IL24: variants seen among roughly 807,000 people sequenced by gnomAD.
The protein encoded by IL24 is interleukin-24.
A neutral mutation model predicts 27.6 loss-of-function variants in IL24; 24 were observed. That is an observed-to-expected ratio of 0.87 (90% confidence interval 0.63 to 1.22). The LOEUF is 1.22. Among genes scored for constraint, IL24 ranks in the 50% most tolerant of loss-of-function variants. The pLI, the probability that IL24 is intolerant of heterozygous loss-of-function variation, is 0.00. For synonymous variants in IL24, 99 were observed against 93.1 expected, an observed-to-expected ratio of 1.06 and a Z score of -0.36; for missense variants, 240 against 237.0, an observed-to-expected ratio of 1.01 and a Z score of -0.08.
At chr1:206,897,657 A>G (rs934616205) in intron 1 of IL24, 42 bp downstream of exon 1, 2 of 559,488 alleles carry the variant, frequency 3.6e-6, no homozygotes, top group Non-Finnish European at 6.4e-6. Flanking sequence ...TTGAAGGACT[A>G]GACCTCTGCT....
chr1:206,902,268 GT>G, intron 6 of IL24, 196 bp downstream of exon 6: 2 of 985,358 alleles, frequency 2.0e-6, no homozygotes, highest in Non-Finnish European at 2.4e-6. Context: ...TTTTCTTCCA[GT>G]TTTCAAGTTA....
chr1:206,899,558 G>A (rs770082048), intron 3 of IL24, 43 bp downstream of exon 3: 2 of 1,479,204 alleles, frequency 1.4e-6, no homozygotes, highest in Non-Finnish European at 1.8e-6. Context: ...GGGGTTCCTG[G>A]GGGCAGTGGG....
chr1:206,897,682 G>A, intron 1 of IL24, 49 bp from the exon 2 acceptor site: 1 of 625,938 alleles, frequency 1.6e-6, no homozygotes, highest in East Asian at 3.0e-5. Flanking sequence ...TTGTGAAAAG[G>A]GGTCAAGGTG....
intron 6 of IL24, chr1:206,902,435 C>T (rs1379839386): frequency 1.4e-6 from 1 of 705,422 alleles, no homozygotes; most frequent in Non-Finnish European, 1.7e-6. Flanking sequence ...GCAGTATTTT[C>T]CATGATGCTC....
chr1:206,898,280 C>T (rs1399752171), intron 2 of IL24, among the ~76,000 whole-genome samples: 3 of 151,986 alleles, frequency 2.0e-5, no homozygotes, highest in South Asian at 2.1e-4. Flanking sequence ...CAGGGGTCGC[C>T]GCCTCCCTAG....
chr1:206,900,487 C>A lies in IL24; in HGVS notation c.303+130C>A, dbSNP rs3093427. 5.0e-3 allele frequency: 3,961 copies of A among 795,830 alleles called. 102 individuals are homozygous for A. The African/African-American group carries it at 0.055, about 11-fold the overall frequency. 49.3% of individuals were successfully genotyped at this position (795,830 alleles called of 1,614,324 possible). On this transcript the variant is annotated intron_variant, in intron 4 of 6. Coordinates refer to ENST00000294984, the MANE Select transcript of IL24 (RefSeq NM_006850.3). ...TGGACTGACCTTACACAGGACAGGG[C>A]CAGACTGTGAGCCAGGGAAGTCAGT...
At chr1:206,899,037 C>T (rs1448996926) in intron 2 of IL24, among the ~76,000 whole-genome samples, 3 of 152,124 alleles carry the variant, frequency 2.0e-5, no homozygotes, top group Non-Finnish European at 2.9e-5. Context: ...GAGAGAACTG[C>T]GATGGAGAAG....
At chr1:206,901,790 C>T in intron 5 of IL24, 138 bp downstream of exon 5, 1 of 869,042 alleles carries the variant, frequency 1.2e-6, no homozygotes, top group East Asian at 2.6e-5. Flanking sequence ...GATGATCACT[C>T]CTGCCTGGCA....
Position 206,901,590 on chromosome 1 carries a change from C to CT in IL24, c.401dup (p.Lys135GlufsTer24). 1 of 1,614,222 alleles carries CT rather than the reference C, an allele frequency of 6.2e-7. No individual in the cohort carries two copies. The highest frequency in any genetic ancestry group is 8.5e-7 in the Non-Finnish European group (1 of 1,180,026). ...CAATAGAACAGTTGAAGTCAGGACT[C>CT]TGAAGTCATTCTCTACTCTGGCCAA... On this transcript the variant is annotated frameshift_variant, in exon 5 of 7. Coordinates refer to ENST00000294984, the MANE Select transcript of IL24 (RefSeq NM_006850.3). LOFTEE classifies it high-confidence loss of function.
In IL24 at chr1:206,903,363, G is replaced by A. The variant is rs1678474896; in HGVS notation, c.*304G>A. The A allele has an allele frequency of 3.3e-6, 1 of 302,556 alleles. No homozygotes were observed. The highest frequency in any genetic ancestry group is 6.3e-6 in the Non-Finnish European group (1 of 158,474). The allele number at this position is 302,556 out of a possible 1,614,324, so 18.7% of individuals were successfully genotyped here. A position where few individuals can be genotyped will look rare whatever the true frequency, so the allele number is the denominator to read the frequency against. ...TTTGTGAGACTGTAAGTTACATGAA[G>A]GCAGCAGAATATTGTGCCCCATGCT... On this transcript the variant is annotated 3_prime_UTR_variant, in exon 7 of 7. Coordinates refer to ENST00000294984, the MANE Select transcript of IL24 (RefSeq NM_006850.3).
rs1180489033 is a variant in IL24, at chr1:206,901,643, G to A, written c.453G>A (p.Leu151=). The A allele has an allele frequency of 2.2e-5, 35 of 1,613,484 alleles. No individual in the cohort carries two copies. The Admixed American group carries it at 5.7e-4, about 26-fold the overall frequency. ...ACTTTGTTCTCATCGTGTCACAACT[G>A]CAACCCAGTGTGAGTAGCACACGCT... ...ANNFVLIVSQ[L]QPSQENEMFS... is the part of the protein sequence containing the mutation. Residue 151 remains leucine (L), a synonymous_variant, in exon 5 of 7, where the codon CTG becomes CTA. Coordinates refer to ENST00000294984, the MANE Select transcript of IL24 (RefSeq NM_006850.3).
intron 4 of IL24, 99 bp downstream of exon 4, chr1:206,900,456 C>T: frequency 1.9e-6 from 2 of 1,045,682 alleles, no homozygotes; most frequent in Non-Finnish European, 3.0e-6. Context: ...CCCTTCACTT[C>T]TTCCCTGGAC....
chr1:206,901,511 C>T lies in IL24; in HGVS notation c.321C>T (p.Tyr107=). ...LQNVSDAESC[Y]LVHTLLEFYL... ...TTCCCCAGGATGCTGAGAGCTGTTA[C>T]CTTGTCCACACCCTGCTGGAGTTCT... Residue 107 remains tyrosine (Y), a synonymous_variant, in exon 5 of 7, where the codon TAC becomes TAT. Transcript: ENST00000294984. 6.2e-7 allele frequency: 1 copy of T among 1,613,208 alleles called. No homozygotes were observed.
rs1678460678 is a variant in IL24, at chr1:206,903,071, A to G, written c.*12A>G. The G allele has an allele frequency of 1.9e-6, 3 of 1,604,184 alleles. No homozygotes were observed. The highest frequency in any genetic ancestry group is 2.6e-6 in the Non-Finnish European group (3 of 1,171,020). ...TCTACAAGCTCTGAATGTCTAGACC[A>G]GGACCTCCCTCCCCCTGGCACTGGT... is the stretch of plus-strand genomic sequence containing the variant. On this transcript the variant is annotated 3_prime_UTR_variant, in exon 7 of 7. Coordinates refer to ENST00000294984, the MANE Select transcript of IL24 (RefSeq NM_006850.3).
chr1:206,899,196 T>G, intron 2 of IL24, 124 bp from the exon 3 acceptor site: 1 of 971,808 alleles, frequency 1.0e-6, no homozygotes, highest in Admixed American at 2.7e-5. Flanking sequence ...TTTGCAATAG[T>G]CTCAACTTGC....
rs1016521818 is a variant in IL24 at position 206,904,108 on chromosome 1, C to T, written c.*1049C>T. ...CATGACATAAGTGCTATTGCAGAGCCGTGGCCACCCAGGAACTCCTGACTG... is the reference window on the plus strand; with the variant it reads ...CATGACATAAGTGCTATTGCAGAGCTGTGGCCACCCAGGAACTCCTGACTG... On this transcript the variant is annotated 3_prime_UTR_variant, in exon 7 of 7. Transcript: ENST00000294984. The T allele has an allele frequency of 2.0e-5, 3 of 152,234 alleles. No homozygotes were observed. Among genetic ancestry groups the T allele is most frequent in the African/African-American group, 4.8e-5 (2 of 41,384 alleles). The allele number at this position is 152,234 out of a possible 1,614,324, so 9.4% of individuals were successfully genotyped here.
intron 2 of IL24, among the ~76,000 whole-genome samples, chr1:206,898,856 A>G (rs1335845582): frequency 6.6e-6 from 1 of 152,152 alleles, no homozygotes; most frequent in East Asian, 1.9e-4. Flanking sequence ...GGGAGGAGAA[A>G]AAGACCTGCC....
At chr1:206,902,927 C>T (rs1484796895) in intron 6 of IL24, 49 bp from the exon 7 acceptor site, 2 of 1,613,828 alleles carry the variant, frequency 1.2e-6, no homozygotes, top group East Asian at 4.5e-5. Context: ...GGAAGAAAGA[C>T]TATTCTCATA....
intron 4 of IL24, 99 bp downstream of exon 4, chr1:206,900,456 C>A: frequency 9.6e-7 from 1 of 1,045,682 alleles, no homozygotes. Context: ...CCCTTCACTT[C>A]TTCCCTGGAC....
Sources: gnomAD v4.1 joint callset for allele counts (sites outside exome capture counted in the v4.1 genomes callset) on GRCh38, gnomAD v4.1.1 for gene constraint, MANE v1.5 for transcripts, NCBI Gene and HGNC (gene_info 2026-07-23, HGNC 2026-07-21) for gene names.